Variants in MTX3 observed in about 807,000 individuals in gnomAD.
The protein encoded by MTX3 is metaxin-3.
Under a neutral mutation model 42.5 loss-of-function variants are expected in MTX3, and 27 were observed. The ratio of observed to expected loss-of-function variants is 0.64; its 90% CI spans 0.47 to 0.88. The LOEUF is 0.88. Ranked by LOEUF, MTX3 falls within the 40% of genes least tolerant of loss-of-function variation. MTX3 has a pLI of 0.00. For missense variants in MTX3, 378 were observed against 367.0 expected (o/e 1.03, Z -0.25); for synonymous variants, 144 against 132.9 (o/e 1.08, Z -0.57).
In MTX3 at chr5:79,989,228, T is replaced by C; in HGVS notation, c.245A>G (p.Tyr82Cys). The C allele has an allele frequency of 1.3e-6, 2 of 1,595,850 alleles. No homozygotes were observed. Among genetic ancestry groups the C allele is most frequent in the Non-Finnish European group, 1.7e-6 (2 of 1,169,044 alleles). ...FLRKQKYNADYELSAKQGADT... is the reference protein window; with the variant it reads ...FLRKQKYNADCELSAKQGADT... Reference sequence around the variant, plus strand: ...TGCCCCTTGTTTTGCTGAGAGTTCATAATCAGCATTATATTTCTATTAAAA... The same window carrying C: ...TGCCCCTTGTTTTGCTGAGAGTTCACAATCAGCATTATATTTCTATTAAAA... The change falls in exon 4 of 9, where the codon TAT (tyrosine) becomes TGT (cysteine). Residue 82 changes from tyrosine (Y) to cysteine (C), a missense_variant. Physicochemically the swap from Tyr to Cys is radical, Grantham distance 194 (BLOSUM62 -2). Coordinates refer to ENST00000512528, the MANE Select transcript of MTX3 (RefSeq NM_001363818.2).
In MTX3 at chr5:79,988,310, G is replaced by A. The variant is rs1831545235; in HGVS notation, c.510C>T (p.Tyr170=). ...YHLREVEAQI[Y]RDAKECLNLL... is the part of the protein sequence containing the mutation. The stretch of plus-strand genomic sequence containing the variant: ...GATTTAGGCACTCCTTGGCATCTCT[G>A]TATATCTAATAAGGATGAAATTATA... Residue 170 remains tyrosine, a synonymous_variant, in exon 6 of 9, where the codon TAC becomes TAT. Transcript: ENST00000512528. 2 of 1,548,150 alleles carry A rather than the reference G, an allele frequency of 1.3e-6. No homozygotes were observed. The highest frequency in any genetic ancestry group is 1.9e-5 in the Admixed American group (1 of 52,096).
intron 7 of MTX3, 22 bp from the exon 8 acceptor site, chr5:79,985,681 CAG>C: frequency 6.5e-7 from 1 of 1,546,992 alleles, no homozygotes; most frequent in Non-Finnish European, 8.9e-7. Context: ...GGACAGAAAT[CAG>C]AGAAAGACAG....
At position 79,988,731 on chromosome 5, in the gene MTX3, T is replaced by C. The variant is rs530665150; in HGVS notation, c.322-87A>G. 40 of 1,195,644 alleles carry C rather than the reference T, an allele frequency of 3.3e-5. 1 individual carries two copies. The South Asian group carries it at 5.8e-4, about 17-fold the overall frequency. 74.1% of individuals were successfully genotyped at this position (1,195,644 alleles called of 1,614,324 possible). On this transcript the variant is annotated intron_variant, in intron 4 of 8. Transcript: ENST00000512528. ...TCAACATGAGAGTTTTTCATAAATA[T>C]CTTTATATGAAGTGTCTTCATACAA...
In MTX3 at chr5:79,979,811, T is replaced by C. The variant is rs1250579902; in HGVS notation, c.*3873A>G. On this transcript the variant is annotated 3_prime_UTR_variant, in exon 9 of 9. Transcript: ENST00000512528. The stretch of plus-strand genomic sequence containing the variant: ...AAAATAGATCTTTAGATATCATTTG[T>C]TACAAACATGAGTTTTTCTTAAGAA... The C allele has an allele frequency of 6.6e-6, 1 of 152,016 alleles. No individual in the cohort carries two copies. The highest frequency in any genetic ancestry group is 1.9e-4 in the East Asian group (1 of 5,208). 9.4% of individuals were successfully genotyped at this position (152,016 alleles called of 1,614,324 possible).
chr5:79,991,027 C>T (rs1019009994), intron 1 of MTX3, 131 bp downstream of exon 1: 16 of 987,988 alleles, frequency 1.6e-5, no homozygotes, highest in Non-Finnish European at 1.9e-5. Flanking sequence ...GGGAGGGAGC[C>T]CAGGGCAATG....
Position 79,983,417 on chromosome 5 carries a change from C to CAGTT in MTX3, c.*263_*266dup. 2.3e-6 allele frequency: 1 copy of CAGTT among 430,778 alleles called. No homozygotes were observed. The highest frequency in any genetic ancestry group is 4.2e-6 in the Non-Finnish European group (1 of 239,996). The allele number at this position is 430,778 out of a possible 1,614,324, so 26.7% of individuals were successfully genotyped here. A position where few individuals can be genotyped will look rare whatever the true frequency, so the allele number is the denominator to read the frequency against. On this transcript the variant is annotated 3_prime_UTR_variant, in exon 9 of 9. Coordinates refer to ENST00000512528, the MANE Select transcript of MTX3 (RefSeq NM_001363818.2). ...AGGCAAAAATCTGCCATGATTAAGGCAGTTCTTTGTATACAGTACGATGTG... is the reference window on the plus strand; with the variant it reads ...AGGCAAAAATCTGCCATGATTAAGGCAGTTAGTTCTTTGTATACAGTACGATGTG...
intron 1 of MTX3, chr5:79,990,875 G>A: frequency 1.4e-6 from 1 of 709,182 alleles, no homozygotes; most frequent in Non-Finnish European, 2.6e-6. Flanking sequence ...GCAGAGTAGG[G>A]AGGGCGCGCC....
chr5:79,978,291 A>G lies in MTX3; in HGVS notation c.*5393T>C, dbSNP rs1831299184. 1 of 152,212 alleles carries G rather than the reference A, an allele frequency of 6.6e-6. No individual in the cohort carries two copies. The highest frequency in any genetic ancestry group is 6.5e-5 in the Admixed American group (1 of 15,272). 9.4% of individuals were successfully genotyped at this position (152,212 alleles called of 1,614,324 possible). ...AGAACATAAATCCCACAAGATACCT[A>G]CTTTTAAAAAAATCTGGCCGGGGAC... On this transcript the variant is annotated 3_prime_UTR_variant, in exon 9 of 9. Transcript: ENST00000512528.
chr5:79,979,821 G>T lies in MTX3; in HGVS notation c.*3863C>A, dbSNP rs1015392312. ...TTTAGATATCATTTGTTACAAACAT[G>T]AGTTTTTCTTAAGAATGAAATAAAA... On this transcript the variant is annotated 3_prime_UTR_variant, in exon 9 of 9. Coordinates refer to ENST00000512528, the MANE Select transcript of MTX3 (RefSeq NM_001363818.2). 6.6e-5 allele frequency: 10 copies of T among 151,332 alleles called. No individual in the cohort carries two copies. The highest frequency in any genetic ancestry group is 2.2e-4 in the African/African-American group (9 of 41,216). 9.4% of individuals were successfully genotyped at this position (151,332 alleles called of 1,614,324 possible). A position where few individuals can be genotyped will look rare whatever the true frequency, so the allele number is the denominator to read the frequency against.
At chr5:79,990,946 G>A in intron 1 of MTX3, 1 of 717,504 alleles carries the variant, frequency 1.4e-6, no homozygotes, top group East Asian at 2.7e-5. Context: ...AAAACTCGGA[G>A]CCAAGCGGAG....
At position 79,977,374 on chromosome 5, in the gene MTX3, T is replaced by G. The variant is rs938842595; in HGVS notation, c.*6310A>C. On this transcript the variant is annotated 3_prime_UTR_variant, in exon 9 of 9. Transcript: ENST00000512528. ...AGTTATTTTTCATGATTTCCAAGGA[T>G]CTGGGATATGTAAACGAAATGATTA... The G allele has an allele frequency of 2.0e-5, 3 of 152,142 alleles. No individual in the cohort carries two copies. The highest frequency in any genetic ancestry group is 4.4e-5 in the Non-Finnish European group (3 of 68,036). 9.4% of individuals were successfully genotyped at this position (152,142 alleles called of 1,614,324 possible). A position where few individuals can be genotyped will look rare whatever the true frequency, so the allele number is the denominator to read the frequency against.
chr5:79,987,516 T>TCC (rs1831525147), intron 6 of MTX3, among the ~76,000 whole-genome samples: 1 of 152,038 alleles, frequency 6.6e-6, no homozygotes, highest in Non-Finnish European at 1.5e-5. Flanking sequence ...GGATGGTGTT[T>TCC]AATTTTTTTT....
rs564824608 is a variant in MTX3, at chr5:79,977,328, G to A, written c.*6356C>T. ...TTCTCTATGGTTCATGACTTACTGA[G>A]GGCTGATGCAAACTCTGGCAAGTTA... On this transcript the variant is annotated 3_prime_UTR_variant, in exon 9 of 9. Transcript: ENST00000512528. The A allele has an allele frequency of 5.3e-5, 8 of 152,322 alleles. No individual in the cohort carries two copies. Among genetic ancestry groups the A allele is most frequent in the Non-Finnish European group, 8.8e-5 (6 of 68,026 alleles). The allele number at this position is 152,322 out of a possible 1,614,324, so 9.4% of individuals were successfully genotyped here.
At chr5:79,986,752 A>T in intron 7 of MTX3, 198 bp downstream of exon 7, 2 of 602,794 alleles carry the variant, frequency 3.3e-6, no homozygotes, top group Non-Finnish European at 5.9e-6. Flanking sequence ...ATAAAAGGCA[A>T]ATATCTATTT....
At chr5:79,986,763 A>G in intron 7 of MTX3, 187 bp downstream of exon 7, 2 of 604,126 alleles carry the variant, frequency 3.3e-6, no homozygotes, top group Non-Finnish European at 5.8e-6. Context: ...ATATCTATTT[A>G]TCTATTTAAA....
chr5:79,989,514 C>A (rs1425435649), intron 3 of MTX3, among the ~76,000 whole-genome samples: 2 of 152,140 alleles, frequency 1.3e-5, no homozygotes, highest in African/African-American at 2.4e-5. Flanking sequence ...CAGTGCATGG[C>A]ATGTAGTACA....
rs1162245687 is a variant in MTX3, at chr5:79,977,474, A to T, written c.*6210T>A. 6.6e-6 allele frequency: 1 copy of T among 152,242 alleles called. No individual in the cohort carries two copies. The highest frequency in any genetic ancestry group is 1.5e-5 in the Non-Finnish European group (1 of 68,040). 9.4% of individuals were successfully genotyped at this position (152,242 alleles called of 1,614,324 possible). A position where few individuals can be genotyped will look rare whatever the true frequency, so the allele number is the denominator to read the frequency against. On this transcript the variant is annotated 3_prime_UTR_variant, in exon 9 of 9. Transcript: ENST00000512528. ...AGATCCAACGGCCTTTCACGTGGCT[A>T]CATGTTCACCATTACACCACAACTC... is the stretch of plus-strand genomic sequence containing the variant.
chr5:79,990,896 G>C (rs1292152380), intron 1 of MTX3: 1 of 708,128 alleles, frequency 1.4e-6, no homozygotes, highest in Admixed American at 2.0e-5. Flanking sequence ...CCTTGCTTCG[G>C]GGTTTCACTC....
Position 79,987,171 on chromosome 5 carries a change from G to A in MTX3, c.582-64C>T, listed in dbSNP as rs1171131108. The A allele has an allele frequency of 2.0e-6, 3 of 1,471,842 alleles. No individual in the cohort carries two copies. The African/African-American group carries it at 4.2e-5, about 21-fold the overall frequency. 91.2% of individuals were successfully genotyped at this position (1,471,842 alleles called of 1,614,324 possible). On this transcript the variant is annotated intron_variant, in intron 6 of 8. Transcript: ENST00000512528. ...ATATTAACTGAAGGCCGGGTGTGGTGGCTCATGCCTGTAATCCCAGTACTT... is the reference window on the plus strand; with the variant it reads ...ATATTAACTGAAGGCCGGGTGTGGTAGCTCATGCCTGTAATCCCAGTACTT...
Sources: allele counts gnomAD v4.1 joint callset (sites outside exome capture counted in the v4.1 genomes callset), GRCh38; gene constraint gnomAD v4.1.1; transcripts MANE v1.5; gene names NCBI Gene and HGNC (gene_info 2026-07-23, HGNC 2026-07-21).